Variants in ZFYVE9 observed in about 807,000 individuals in gnomAD.
ZFYVE9 encodes the protein zinc finger FYVE domain-containing protein 9.
ZFYVE9 carries 43 observed loss-of-function variants against 126.7 expected under a neutral mutation model. The observed-to-expected ratio is 0.34, with a 90% CI of 0.27 to 0.44. The LOEUF (loss-of-function observed/expected upper bound fraction) is 0.44, where lower values mean the gene tolerates loss of function less well. Among genes scored for constraint, ZFYVE9 ranks in the 20% least tolerant of loss-of-function variants. ZFYVE9 has a pLI of 1.00. For synonymous variants in ZFYVE9, 521 were observed against 597.4 expected (o/e 0.87, Z 1.87); for missense variants, 1,476 against 1,697.0 (o/e 0.87, Z 2.29).
At chr1:52,191,749 G>A (rs529251101) in intron 1 of ZFYVE9, among the ~76,000 whole-genome samples, 112 of 152,202 alleles carry the variant, frequency 7.4e-4, no homozygotes, top group African/African-American at 2.5e-3. Flanking sequence ...ACATTGTCTC[G>A]TGATTTCTCA....
chr1:52,199,322 C>T (rs1045383057), intron 1 of ZFYVE9, among the ~76,000 whole-genome samples: 5 of 152,068 alleles, frequency 3.3e-5, no homozygotes, highest in Admixed American at 1.3e-4. Context: ...CTCGGCTTCC[C>T]GAAGTGCTGG....
At chr1:52,161,185 A>G (rs1557430474) in intron 1 of ZFYVE9, among the ~76,000 whole-genome samples, 1 of 152,242 alleles carries the variant, frequency 6.6e-6, no homozygotes, top group Non-Finnish European at 1.5e-5. Flanking sequence ...TAGTTGCTCT[A>G]GGTAATAAAT....
At chr1:52,340,346 A>C in intron 17 of ZFYVE9, 115 bp downstream of exon 17, 1 of 745,028 alleles carries the variant, frequency 1.3e-6, no homozygotes. Flanking sequence ...TCTGAGAAAA[A>C]TCTTTCTCGT....
At chr1:52,199,734 T>C (rs1644906104) in intron 1 of ZFYVE9, among the ~76,000 whole-genome samples, 1 of 152,222 alleles carries the variant, frequency 6.6e-6, no homozygotes, top group Non-Finnish European at 1.5e-5. Context: ...AGAGTATATT[T>C]AGTTTTGTAA....
At chr1:52,301,040 A>G (rs1024126719) in intron 12 of ZFYVE9, among the ~76,000 whole-genome samples, 12 of 151,228 alleles carry the variant, frequency 7.9e-5, no homozygotes, top group Admixed American at 6.6e-4. Context: ...TTGTATTTTT[A>G]GTAGAGACAG....
chr1:52,323,113 C>A (rs1646257349), intron 13 of ZFYVE9, among the ~76,000 whole-genome samples: 1 of 152,098 alleles, frequency 6.6e-6, no homozygotes, highest in Admixed American at 6.5e-5. Context: ...CCTCTGTGAC[C>A]TCATTTTTTA....
chr1:52,246,594 T>C (rs1645386626), intron 4 of ZFYVE9, among the ~76,000 whole-genome samples: 1 of 148,782 alleles, frequency 6.7e-6, no homozygotes, highest in African/African-American at 2.5e-5. Context: ...TGCAGTGGCA[T>C]GATGGTGGCT....
intron 10 of ZFYVE9, among the ~76,000 whole-genome samples, chr1:52,287,374 A>G (rs752560219): frequency 1.1e-4 from 16 of 152,174 alleles, no homozygotes; most frequent in Non-Finnish European, 1.8e-4. Context: ...GGGCCACCCA[A>G]AATGCTGGGA....
chr1:52,255,007 A>G (rs1228802125), intron 4 of ZFYVE9, among the ~76,000 whole-genome samples: 1 of 151,560 alleles, frequency 6.6e-6, no homozygotes, highest in East Asian at 1.9e-4. Context: ...TGGGAGGATC[A>G]CTTGAACCCA....
At position 52,146,364 on chromosome 1, in the gene ZFYVE9, T is replaced by C. The variant is rs1644306447; in HGVS notation, c.-143+3961T>C. On this transcript the variant is annotated intron_variant, in intron 1 of 18. Coordinates refer to ENST00000287727, the MANE Select transcript of ZFYVE9 (RefSeq NM_004799.4). ...AGGCACTGAATAGAAATAGTTCATA[T>C]ATTTAGTTTTCAAAAAACTCTCAAT... Among the ~76,000 whole-genome samples the C allele has an allele frequency of 4.6e-5, 7 of 152,206 alleles. 1 individual carries two copies. In the South Asian group the frequency reaches 1.4e-3, roughly 31 times the overall value.
At chr1:52,202,779 A>G (rs919558108) in intron 1 of ZFYVE9, among the ~76,000 whole-genome samples, 5 of 151,776 alleles carry the variant, frequency 3.3e-5, no homozygotes, top group African/African-American at 1.2e-4. Context: ...TCCGCCTCCC[A>G]GGTTCAAGCA....
At chr1:52,277,875 T>G (rs1645763392) in intron 8 of ZFYVE9, among the ~76,000 whole-genome samples, 1 of 152,214 alleles carries the variant, frequency 6.6e-6, no homozygotes, top group African/African-American at 2.4e-5. Context: ...GTTCAGAATC[T>G]TATGTGTGAT....
At chr1:52,245,073 A>C (rs1486461221) in intron 4 of ZFYVE9, among the ~76,000 whole-genome samples, 1 of 151,842 alleles carries the variant, frequency 6.6e-6, no homozygotes, top group Non-Finnish European at 1.5e-5. Flanking sequence ...CACGAGAATT[A>C]TTTGAACCCA....
At chr1:52,144,825 A>C (rs1644293426) in intron 1 of ZFYVE9, among the ~76,000 whole-genome samples, 1 of 152,194 alleles carries the variant, frequency 6.6e-6, no homozygotes, top group African/African-American at 2.4e-5. Context: ...AATGGACACC[A>C]ATGTCATTGT....
chr1:52,302,066 A>G (rs1646040976), intron 12 of ZFYVE9, among the ~76,000 whole-genome samples: 1 of 152,224 alleles, frequency 6.6e-6, no homozygotes, highest in African/African-American at 2.4e-5. Flanking sequence ...TACATGTAGA[A>G]TACAATATAA....
chr1:52,237,521 A>G lies in ZFYVE9; in HGVS notation c.104A>G (p.Lys35Arg). ...ETVSSTLLDT[K>R]WNKILDPPSH... ...GTTTCTTCTACTTTATTGGATACAA[A>G]GTGGAATAAGATTCTAGATCCCCCT... is the stretch of plus-strand genomic sequence containing the variant. The change falls in exon 4 of 19, where the codon AAG becomes AGG. Residue 35 changes from lysine to arginine, a missense_variant. This residue lies in a region of ZFYVE9 where 807 missense variants were observed against 794.6 expected (regional missense o/e 1.02). Transcript: ENST00000287727. 6.2e-7 allele frequency: 1 copy of G among 1,612,962 alleles called. No homozygotes were observed. The highest frequency in any genetic ancestry group is 8.5e-7 in the Non-Finnish European group (1 of 1,179,272).
intron 1 of ZFYVE9, among the ~76,000 whole-genome samples, chr1:52,149,403 ATTTC>A (rs907257006): frequency 6.6e-6 from 1 of 151,926 alleles, no homozygotes; most frequent in Admixed American, 6.6e-5. Flanking sequence ...CAATATGAAT[ATTTC>A]TTAAGAAAAG....
intron 13 of ZFYVE9, among the ~76,000 whole-genome samples, chr1:52,306,012 C>T (rs1488838544): frequency 1.3e-5 from 2 of 152,162 alleles, no homozygotes; most frequent in Non-Finnish European, 2.9e-5. Context: ...AGCTTGGGCA[C>T]CATGAATAGC....
At chr1:52,327,030 A>G (rs1646298004) in intron 13 of ZFYVE9, among the ~76,000 whole-genome samples, 1 of 150,508 alleles carries the variant, frequency 6.6e-6, no homozygotes, top group East Asian at 2.0e-4. Flanking sequence ...GCATGGTGGC[A>G]TGCACCTGTA....
Sources: allele counts gnomAD v4.1 joint callset (sites outside exome capture counted in the v4.1 genomes callset), GRCh38; gene constraint gnomAD v4.1.1; regional missense constraint gnomAD v4.1.1; transcripts MANE v1.5; gene names NCBI Gene and HGNC (gene_info 2026-07-23, HGNC 2026-07-21).